HTRA1: variants seen among roughly 807,000 people sequenced by gnomAD.
The protein encoded by HTRA1 is HtrA serine peptidase 1.
In HTRA1, 26 loss-of-function variants were observed where a neutral mutation model predicts 49.7. That is an observed-to-expected ratio of 0.52 (90% confidence interval 0.38 to 0.73). HTRA1 has a LOEUF of 0.73. HTRA1 is among the 30% of genes least tolerant of loss of function. HTRA1 has a pLI of 0.00. For missense variants in HTRA1, 561 were observed against 667.2 expected (o/e 0.84, Z 1.75); for synonymous variants, 291 against 286.9 (o/e 1.01, Z -0.14).
At chr10:122,483,054 A>G (rs904837319) in intron 1 of HTRA1, among the ~76,000 whole-genome samples, 2 of 152,112 alleles carry the variant, frequency 1.3e-5, no homozygotes, top group African/African-American at 2.4e-5. Flanking sequence ...AATTTTGTTC[A>G]GTGTGATAAT....
At chr10:122,497,729 A>G (rs2097499337) in intron 3 of HTRA1, among the ~76,000 whole-genome samples, 1 of 152,212 alleles carries the variant, frequency 6.6e-6, no homozygotes, top group Non-Finnish European at 1.5e-5. Context: ...TAATATCCCA[A>G]TGGATGTTTT....
chr10:122,469,211 T>C lies in HTRA1; in HGVS notation c.472+7087T>C, dbSNP rs1322644405. 2.6e-5 allele frequency among the ~76,000 whole-genome samples: 4 copies of C among 152,320 alleles called. No individual in the cohort carries two copies. In the East Asian group the frequency reaches 7.7e-4, roughly 29 times the overall value. On this transcript the variant is annotated intron_variant, in intron 1 of 8. Transcript: ENST00000368984. ...GCAATAAAGATGGTAGGCCTATCTCTGTGATGAGCTGTTTTTTTTTCTCAA... is the reference window on the plus strand; with the variant it reads ...GCAATAAAGATGGTAGGCCTATCTCCGTGATGAGCTGTTTTTTTTTCTCAA...
chr10:122,493,052 C>T (rs2097496681), intron 3 of HTRA1, among the ~76,000 whole-genome samples: 1 of 152,222 alleles, frequency 6.6e-6, no homozygotes, highest in African/African-American at 2.4e-5. Context: ...TGTTTCTGGG[C>T]TTGTGACCAA....
rs1232921230 is a variant in HTRA1, at chr10:122,494,775, G to T, written c.777+5149G>T. 6.6e-6 allele frequency among the ~76,000 whole-genome samples: 1 copy of T among 152,176 alleles called. No individual in the cohort carries two copies. The highest frequency in any genetic ancestry group is 1.5e-5 in the Non-Finnish European group (1 of 68,030). ...AGAGGGTCCTCTTACTGCTGAGCTG[G>T]CTGGTGCAGTGAGAAGGAAGGCCGA... On this transcript the variant is annotated intron_variant, in intron 3 of 8. Transcript: ENST00000368984. This position sits in a 1 kb window ranked among gnomAD's most constrained non-coding sequence, Gnocchi z 4.0.
chr10:122,509,330 C>T (rs1006589564), intron 6 of HTRA1, among the ~76,000 whole-genome samples: 2 of 152,136 alleles, frequency 1.3e-5, no homozygotes, highest in Admixed American at 6.5e-5. Flanking sequence ...TCAGGGTGGC[C>T]GTCAAGGGAG....
At chr10:122,489,668 C>T (rs749284620) in intron 3 of HTRA1, 42 bp downstream of exon 3, 1 of 1,570,272 alleles carries the variant, frequency 6.4e-7, no homozygotes, top group South Asian at 1.1e-5. Flanking sequence ...CTCAGATGCC[C>T]CGGAACACCC....
intron 1 of HTRA1, among the ~76,000 whole-genome samples, chr10:122,472,666 A>G (rs2097486667): frequency 6.6e-6 from 1 of 152,222 alleles, no homozygotes; most frequent in Admixed American, 6.5e-5. Flanking sequence ...AAGTGTGGGG[A>G]TTACAGGCAT....
Position 122,508,775 on chromosome 10 carries a change from G to A in HTRA1, c.1120+5G>A, listed in dbSNP as rs367566182. 7.0e-6 allele frequency: 11 copies of A among 1,564,402 alleles called. No homozygotes were observed. Among genetic ancestry groups the A allele is most frequent in the Non-Finnish European group, 8.8e-6 (10 of 1,134,854 alleles). ...CCCATGACCGACAGGCCAAAGGTAG[G>A]CAAGGCCCACACAGCCCTGGGGACT... On this transcript the variant is annotated splice_donor_5th_base_variant and intron_variant, in intron 6 of 8. Coordinates refer to ENST00000368984, the MANE Select transcript of HTRA1 (RefSeq NM_002775.5).
chr10:122,465,006 T>C (rs183663154), intron 1 of HTRA1, among the ~76,000 whole-genome samples: 7 of 152,296 alleles, frequency 4.6e-5, no homozygotes, highest in Non-Finnish European at 7.3e-5. Flanking sequence ...TGCCAGGGGA[T>C]GAGAGGTAGA....
At chr10:122,500,231 G>A (rs1206699204) in intron 3 of HTRA1, among the ~76,000 whole-genome samples, 3 of 152,172 alleles carry the variant, frequency 2.0e-5, no homozygotes, top group Admixed American at 6.5e-5. Flanking sequence ...AGAATTCTAG[G>A]AACGCCCCCT....
chr10:122,512,210 T>C (rs2097505978), intron 8 of HTRA1, 145 bp downstream of exon 8: 3 of 735,468 alleles, frequency 4.1e-6, no homozygotes, highest in Non-Finnish European at 7.2e-6. Flanking sequence ...TTGTCATTCC[T>C]GCTGGCCAGG....
chr10:122,485,114 A>T (rs1266133415), intron 1 of HTRA1, among the ~76,000 whole-genome samples: 1 of 152,194 alleles, frequency 6.6e-6, no homozygotes, highest in East Asian at 1.9e-4. Flanking sequence ...GCTTTTAGAC[A>T]CACTTTTATT....
intron 3 of HTRA1, among the ~76,000 whole-genome samples, chr10:122,496,225 G>GTTTTGTTTTT (rs1287521208): frequency 7.5e-5 from 6 of 80,384 alleles, no homozygotes; most frequent in African/African-American, 3.1e-4. Flanking sequence ...GAGATTGTGG[G>GTTTTGTTTTT]TTCTTTTTTT....
intron 1 of HTRA1, among the ~76,000 whole-genome samples, chr10:122,470,150 A>G (rs984548689): frequency 2.6e-5 from 4 of 152,156 alleles, no homozygotes; most frequent in African/African-American, 9.7e-5. Context: ...CTACTGATCT[A>G]TCAATTCCTG....
At chr10:122,502,677 C>T (rs1394574655) in intron 3 of HTRA1, among the ~76,000 whole-genome samples, 1 of 152,198 alleles carries the variant, frequency 6.6e-6, no homozygotes, top group Non-Finnish European at 1.5e-5. Context: ...CTTCTTCTGG[C>T]CTCCCAGGCT....
intron 1 of HTRA1, among the ~76,000 whole-genome samples, chr10:122,472,354 A>G (rs1027601105): frequency 3.5e-5 from 5 of 144,912 alleles, no homozygotes; most frequent in African/African-American, 1.3e-4. Context: ...CCCCAGAAAT[A>G]TCATTTCTTT....
chr10:122,467,610 A>T (rs1481315079), intron 1 of HTRA1, among the ~76,000 whole-genome samples: 3 of 152,074 alleles, frequency 2.0e-5, no homozygotes, highest in South Asian at 2.1e-4. Flanking sequence ...CTGGCTGCTG[A>T]AGTCCCCGGG....
intron 7 of HTRA1, among the ~76,000 whole-genome samples, chr10:122,511,286 C>G (rs989552642): frequency 1.3e-5 from 2 of 152,104 alleles, no homozygotes; most frequent in Non-Finnish European, 2.9e-5. Context: ...GTTATTATCC[C>G]CATTTTGCAG....
Position 122,464,211 on chromosome 10 carries a change from G to A in HTRA1, c.472+2087G>A, listed in dbSNP as rs1212907872. ...GTGGTCTCATCGCACGGGGTCCTGA[G>A]TTGCTGGCACCATGCGAGCCGCCTA... is the stretch of plus-strand genomic sequence containing the variant. On this transcript the variant is annotated intron_variant, in intron 1 of 8. Coordinates refer to ENST00000368984, the MANE Select transcript of HTRA1 (RefSeq NM_002775.5). The surrounding 1 kb of genome is among the most constrained non-coding windows in gnomAD (Gnocchi z 4.8). Among the ~76,000 whole-genome samples the A allele has an allele frequency of 6.6e-6, 1 of 152,218 alleles. No homozygotes were observed. Among genetic ancestry groups the A allele is most frequent in the African/African-American group, 2.4e-5 (1 of 41,446 alleles).
Sources: gnomAD v4.1 joint callset for allele counts (sites outside exome capture counted in the v4.1 genomes callset) on GRCh38, gnomAD v4.1.1 for gene constraint, Gnocchi (gnomAD v3.1) non-coding constraint, MANE v1.5 for transcripts, NCBI Gene and HGNC (gene_info 2026-07-23, HGNC 2026-07-21) for gene names.